Variants in ACAD11 observed in about 807,000 individuals in gnomAD.
The protein encoded by ACAD11 is acyl-Coenzyme A dehydrogenase family, member 11.
A neutral mutation model predicts 102.2 loss-of-function variants in ACAD11; 83 were observed. The observed-to-expected ratio is 0.81, with a 90% CI of 0.68 to 0.97. The LOEUF (loss-of-function observed/expected upper bound fraction) is 0.97, where lower values mean the gene tolerates loss of function less well. ACAD11 is among the 50% of genes least tolerant of loss of function. The pLI, the probability that ACAD11 is intolerant of heterozygous loss-of-function variation, is 0.00. For missense variants in ACAD11, 901 were observed against 951.7 expected (o/e 0.95, Z 0.70); for synonymous variants, 324 against 319.8 (o/e 1.01, Z -0.14).
chr3:132,642,380 T>G (rs1309681531), intron 3 of ACAD11, among the ~76,000 whole-genome samples: 1 of 152,250 alleles, frequency 6.6e-6, no homozygotes, highest in Non-Finnish European at 1.5e-5. Context: ...CTGTTTTCCC[T>G]GCTACCTTAT....
chr3:132,579,444 G>C, intron 14 of ACAD11, 48 bp downstream of exon 14: 1 of 1,459,822 alleles, frequency 6.9e-7, no homozygotes, highest in South Asian at 1.2e-5. Context: ...ATAGGAGGAA[G>C]ACTGGCTCAT....
chr3:132,572,081 G>A (rs116665330), intron 17 of ACAD11, among the ~76,000 whole-genome samples: 1 of 152,080 alleles, frequency 6.6e-6, no homozygotes, highest in African/African-American at 2.4e-5. Context: ...TCAGGCAAGA[G>A]AAATAAATAA....
Position 132,575,787 on chromosome 3 carries a change from C to T in ACAD11, c.1986G>A (p.Lys662=), listed in dbSNP as rs754275847. ...TCGTCCTCACATGTGCATACAACTT[C>T]TTCTTGAAAGCTATCCTTTGTGTTG... ...ERATQRIAFK[K]KLYAHEVVAH... is the part of the protein sequence containing the mutation. Residue 662 remains lysine, a synonymous_variant, in exon 17 of 20, where the codon AAG becomes AAA. Transcript: ENST00000264990. 1.2e-6 allele frequency: 2 copies of T among 1,614,026 alleles called. No homozygotes were observed. The highest frequency in any genetic ancestry group is 1.3e-5 in the African/African-American group (1 of 75,028).
chr3:132,609,401 A>C (rs151146679), intron 11 of ACAD11, among the ~76,000 whole-genome samples: 2,261 of 152,188 alleles, frequency 0.015, 68 homozygotes, highest in African/African-American at 0.052. Context: ...CAGACTAATA[A>C]AGAAAAGAGA....
chr3:132,658,632 C>T (rs1409007383), intron 1 of ACAD11, among the ~76,000 whole-genome samples: 1 of 152,180 alleles, frequency 6.6e-6, no homozygotes, highest in Non-Finnish European at 1.5e-5. Flanking sequence ...ATTCTTTATT[C>T]CACCTTTCCC....
At chr3:132,640,069 AC>A (rs1476577232) in intron 4 of ACAD11, among the ~76,000 whole-genome samples, 2 of 151,844 alleles carry the variant, frequency 1.3e-5, no homozygotes, top group Admixed American at 6.6e-5. Context: ...GAAATAAGTA[AC>A]CCCTGAAAAA....
At chr3:132,600,297 C>T in intron 13 of ACAD11, 1 of 1,112,568 alleles carries the variant, frequency 9.0e-7, no homozygotes, top group Non-Finnish European at 1.3e-6. Context: ...ACAGGCTATA[C>T]TCTAGGGAAA....
intron 13 of ACAD11, among the ~76,000 whole-genome samples, chr3:132,586,397 C>T (rs893752806): frequency 1.3e-4 from 19 of 151,844 alleles, no homozygotes; most frequent in Non-Finnish European, 2.4e-4. Context: ...TGTTAAATGA[C>T]GAGTTAATGG....
chr3:132,645,153 G>A (rs1339555343), intron 1 of ACAD11, among the ~76,000 whole-genome samples: 1 of 152,160 alleles, frequency 6.6e-6, no homozygotes, highest in South Asian at 2.1e-4. Flanking sequence ...CAAATCCTAA[G>A]TTTTATCAGG....
intron 9 of ACAD11, 105 bp downstream of exon 9, chr3:132,626,586 A>AT: frequency 7.5e-7 from 1 of 1,332,564 alleles, no homozygotes; most frequent in Non-Finnish European, 1.0e-6. Flanking sequence ...CTAGGTAAGG[A>AT]TTGACTAAAG....
At chr3:132,632,554 A>C (rs1044457233) in intron 5 of ACAD11, among the ~76,000 whole-genome samples, 2 of 152,164 alleles carry the variant, frequency 1.3e-5, no homozygotes, top group African/African-American at 4.8e-5. Context: ...TTGACTTGGC[A>C]ATGCGGGCTC....
chr3:132,609,768 A>T (rs1939033713), intron 11 of ACAD11, among the ~76,000 whole-genome samples: 1 of 152,134 alleles, frequency 6.6e-6, no homozygotes. Context: ...CTCCTTCCTA[A>T]CTCGTTTTAT....
At chr3:132,600,211 T>G (rs1387468098) in intron 13 of ACAD11, among the ~76,000 whole-genome samples, 1 of 152,194 alleles carries the variant, frequency 6.6e-6, no homozygotes, top group Non-Finnish European at 1.5e-5. Flanking sequence ...TAACTAATCT[T>G]GGGGTCATAT....
intron 1 of ACAD11, among the ~76,000 whole-genome samples, chr3:132,656,500 T>C (rs533325445): frequency 5.3e-5 from 8 of 152,018 alleles, no homozygotes; most frequent in African/African-American, 1.7e-4. Flanking sequence ...GTCAGATTTT[T>C]TTTTTTTTTG....
chr3:132,656,463 T>C (rs1437585583), intron 1 of ACAD11, among the ~76,000 whole-genome samples: 2 of 151,924 alleles, frequency 1.3e-5, no homozygotes, highest in Admixed American at 6.6e-5. Context: ...TGAGTCCCTG[T>C]TGCCCCATAT....
chr3:132,629,772 AC>A (rs2107863582), intron 7 of ACAD11, among the ~76,000 whole-genome samples: 1 of 152,080 alleles, frequency 6.6e-6, no homozygotes, highest in Non-Finnish European at 1.5e-5. Flanking sequence ...TTTCTTCTAA[AC>A]CCTAGCCCCT....
intron 17 of ACAD11, among the ~76,000 whole-genome samples, chr3:132,568,783 C>T (rs1414884525): frequency 7.0e-5 from 6 of 86,282 alleles, no homozygotes; most frequent in Admixed American, 6.6e-4. Flanking sequence ...GTTGCTGAAG[C>T]AATTGGACAT....
At chr3:132,581,162 A>G (rs1261500322) in intron 13 of ACAD11, among the ~76,000 whole-genome samples, 1 of 151,980 alleles carries the variant, frequency 6.6e-6, no homozygotes, top group African/African-American at 2.4e-5. Flanking sequence ...AGCCAACTAA[A>G]AGGACCGAGG....
At chr3:132,585,963 C>T (rs543688130) in intron 13 of ACAD11, among the ~76,000 whole-genome samples, 1 of 152,234 alleles carries the variant, frequency 6.6e-6, no homozygotes, top group South Asian at 2.1e-4. Flanking sequence ...ACTAGAAATA[C>T]CATTTGACCC....
Sources: gnomAD v4.1 joint callset for allele counts (sites outside exome capture counted in the v4.1 genomes callset) on GRCh38, gnomAD v4.1.1 for gene constraint, MANE v1.5 for transcripts, NCBI Gene and HGNC (gene_info 2026-07-23, HGNC 2026-07-21) for gene names.